RASIP1: variants seen among roughly 807,000 people sequenced by gnomAD.
The protein encoded by RASIP1 is ras-interacting protein 1.
A neutral mutation model predicts 85.3 loss-of-function variants in RASIP1; 20 were observed. The ratio of observed to expected loss-of-function variants is 0.23; its 90% CI spans 0.17 to 0.34. The LOEUF (loss-of-function observed/expected upper bound fraction) is 0.34. Ranked by LOEUF, RASIP1 falls within the 10% of genes least tolerant of loss-of-function variation. RASIP1 has a pLI of 1.00. For synonymous variants in RASIP1, 617 were observed against 647.1 expected (o/e 0.95, Z 0.71); for missense variants, 1,170 against 1,390.9 (o/e 0.84, Z 2.53).
intron 4 of RASIP1, among the ~76,000 whole-genome samples, chr19:48,730,362 C>T (rs2033433055): frequency 6.6e-6 from 1 of 151,948 alleles, no homozygotes; most frequent in African/African-American, 2.4e-5. Flanking sequence ...GACAGGGTCA[C>T]CATGTTGGCC....
chr19:48,734,538 A>G (rs1286231630), intron 4 of RASIP1, among the ~76,000 whole-genome samples: 1 of 135,758 alleles, frequency 7.4e-6, no homozygotes, highest in Non-Finnish European at 1.5e-5. Context: ...CCCTGGCTGG[A>G]GTGCAATGGA....
Position 48,737,804 on chromosome 19 carries a change from C to T in RASIP1, c.823+1156G>A, listed in dbSNP as rs915168350. ...CCAGACCACGCTTTTCCACAAGCCCCGCCCCACCACAGGCCCCGCCCCACA... is the reference window on the plus strand; with the variant it reads ...CCAGACCACGCTTTTCCACAAGCCCTGCCCCACCACAGGCCCCGCCCCACA... On this transcript the variant is annotated intron_variant, in intron 3 of 11. Transcript: ENST00000222145. 16 of 984,080 alleles carry T rather than the reference C, an allele frequency of 1.6e-5. No homozygotes were observed. The Admixed American group carries it at 8.6e-4, about 53-fold the overall frequency. The allele number at this position is 984,080 out of a possible 1,614,324, so 61.0% of individuals were successfully genotyped here.
chr19:48,739,777 G>C lies in RASIP1; in HGVS notation c.138-132C>G. Reference sequence around the variant, plus strand: ...GGACAGGGACCCAGGGTGGATGGACGGGGCGGGGGTGAGGGTGGGGACAGA... The same window carrying C: ...GGACAGGGACCCAGGGTGGATGGACCGGGCGGGGGTGAGGGTGGGGACAGA... On this transcript the variant is annotated intron_variant, in intron 2 of 11. Transcript: ENST00000222145. This position sits in a 1 kb window ranked among gnomAD's most constrained non-coding sequence, Gnocchi z 9.2. 1.1e-6 allele frequency: 1 copy of C among 892,352 alleles called. No homozygotes were observed. The highest frequency in any genetic ancestry group is 1.5e-6 in the Non-Finnish European group (1 of 647,692). 55.3% of individuals were successfully genotyped at this position (892,352 alleles called of 1,614,324 possible). A position where few individuals can be genotyped will look rare whatever the true frequency, so the allele number is the denominator to read the frequency against.
At chr19:48,735,829 T>C (rs1311236595) in intron 3 of RASIP1, among the ~76,000 whole-genome samples, 2 of 151,764 alleles carry the variant, frequency 1.3e-5, no homozygotes, top group African/African-American at 4.8e-5. Context: ...GTAGTCTCGC[T>C]CTGTCGCCCA....
chr19:48,729,240 C>T lies in RASIP1; in HGVS notation c.1530G>A (p.Thr510=), dbSNP rs1024947050. 9.9e-6 allele frequency: 14 copies of T among 1,409,318 alleles called. No homozygotes were observed. In the Middle Eastern group the frequency reaches 6.3e-4, roughly 64 times the overall value. 87.3% of individuals were successfully genotyped at this position (1,409,318 alleles called of 1,614,324 possible). ...AGAAGGCCCAGCCAGGGCCTGGCGG[C>T]GTGGCCCCGGGGCGCGCGGGCAGCC... ...PPWLPARPGA[T]PPGPGWAFSC... Residue 510 remains threonine (T), a synonymous_variant, in exon 5 of 12, where the codon ACG becomes ACA. Coordinates refer to ENST00000222145, the MANE Select transcript of RASIP1 (RefSeq NM_017805.3).
rs759382771 is a variant in RASIP1, at chr19:48,735,359, T to TGCC, written c.1013_1015dup (p.Arg338dup). The TGCC allele has an allele frequency of 7.4e-6, 12 of 1,612,546 alleles. No homozygotes were observed. The highest frequency in any genetic ancestry group is 2.7e-5 in the African/African-American group (2 of 74,906). On this transcript the variant is annotated inframe_insertion, in exon 4 of 12. Coordinates refer to ENST00000222145, the MANE Select transcript of RASIP1 (RefSeq NM_017805.3). ...AAGTGCCTGCTGTCTCCGCTCCTGC[T>TGCC]GCCGCCGCCGCCGCCCCTGAAGGCT...
Position 48,729,134 on chromosome 19 carries a change from G to A in RASIP1, c.1636C>T (p.Arg546Cys), listed in dbSNP as rs758838913. 18 of 1,358,590 alleles carry A rather than the reference G, an allele frequency of 1.3e-5. No homozygotes were observed. The East Asian group carries it at 4.9e-4, about 37-fold the overall frequency. The allele number at this position is 1,358,590 out of a possible 1,614,324, so 84.2% of individuals were successfully genotyped here. Residue 546 changes from arginine to cysteine, a missense_variant, in exon 5 of 12, where the codon CGC (arginine) becomes TGC (cysteine). This residue lies in a region of RASIP1 where 426 missense variants were observed against 576.2 expected (regional missense o/e 0.74). Coordinates refer to ENST00000222145, the MANE Select transcript of RASIP1 (RefSeq NM_017805.3). The part of the protein sequence containing the change: ...AYLDGREPVL[R>C]FRPREEEALL... The stretch of plus-strand genomic sequence containing the variant: ...GCCTCCTCCTCGCGCGGCCGGAAGC[G>A]CAGGACTGGCTCACGGCCGTCCAGG...
chr19:48,722,893 C>G (rs1050938485), intron 10 of RASIP1, among the ~76,000 whole-genome samples: 1 of 151,978 alleles, frequency 6.6e-6, no homozygotes, highest in African/African-American at 2.4e-5. Flanking sequence ...AACTTTCTTT[C>G]TTATTGTTTT....
Position 48,724,349 on chromosome 19 carries a change from A to G in RASIP1, c.2532T>C (p.Thr844=), listed in dbSNP as rs2033305076. The change falls in exon 10 of 12, where the codon ACT becomes ACC. Residue 844 remains threonine (T), a synonymous_variant. Coordinates refer to ENST00000222145, the MANE Select transcript of RASIP1 (RefSeq NM_017805.3). This position sits in a 1 kb window ranked among gnomAD's most constrained non-coding sequence, Gnocchi z 4.6. ...GACCAGGAGTCACCTTGAGCAGGGAAGTGCGGGGCACACAGAGCAGGTTCA... is the reference window on the plus strand; with the variant it reads ...GACCAGGAGTCACCTTGAGCAGGGAGGTGCGGGGCACACAGAGCAGGTTCA... ...MAVNLLCVPR[T]SLLKASWSSL... The G allele has an allele frequency of 1.9e-6, 3 of 1,613,848 alleles. No homozygotes were observed. The highest frequency in any genetic ancestry group is 1.7e-5 in the Admixed American group (1 of 59,974).
intron 4 of RASIP1, among the ~76,000 whole-genome samples, chr19:48,734,564 C>T (rs1324584411): frequency 6.6e-6 from 1 of 151,306 alleles, no homozygotes; most frequent in Non-Finnish European, 1.5e-5. Context: ...CTTGGCTCAC[C>T]GCAACCTCTG....
In RASIP1 at chr19:48,739,642, A is replaced by C. The variant is rs1263190706; in HGVS notation, c.141T>G (p.Ser47=). The C allele has an allele frequency of 1.6e-5, 22 of 1,415,150 alleles. No individual in the cohort carries two copies. The highest frequency in any genetic ancestry group is 8.7e-5 in the East Asian group (3 of 34,514). 87.7% of individuals were successfully genotyped at this position (1,415,150 alleles called of 1,614,324 possible). Residue 47 remains serine, a synonymous_variant, in exon 3 of 12, where the codon TCT becomes TCG. Coordinates refer to ENST00000222145, the MANE Select transcript of RASIP1 (RefSeq NM_017805.3). This position sits in a 1 kb window ranked among gnomAD's most constrained non-coding sequence, Gnocchi z 9.2. ...TGCGGCTCCCCGTGTCCGACGAAGA[A>C]GACCTGGGAGTCCGCCGGGGAACAG... is the stretch of plus-strand genomic sequence containing the variant. ...RRWPSAASVK[S]SSSDTGSRSS...
Position 48,740,332 on chromosome 19 carries a change from G to C in RASIP1, c.-4-46C>G. The C allele has an allele frequency of 6.5e-7, 1 of 1,536,936 alleles. No individual in the cohort carries two copies. The highest frequency in any genetic ancestry group is 1.4e-5 in the African/African-American group (1 of 70,198). On this transcript the variant is annotated intron_variant, in intron 1 of 11. Transcript: ENST00000222145. The surrounding 1 kb of genome is among the most constrained non-coding windows in gnomAD (Gnocchi z 5.5). ...CCCCAACTCCTAAGGCATTCTTGTGGGGATGGGGTGGAGGGAACCTGGACT... is the reference window on the plus strand; with the variant it reads ...CCCCAACTCCTAAGGCATTCTTGTGCGGATGGGGTGGAGGGAACCTGGACT...
intron 4 of RASIP1, 95 bp from the exon 5 acceptor site, chr19:48,729,685 C>A (rs1215365273): frequency 7.7e-7 from 1 of 1,302,728 alleles, no homozygotes; most frequent in East Asian, 2.5e-5. Flanking sequence ...TCTATTCCCA[C>A]CAACTTTTTT....
At chr19:48,728,910 G>A in intron 5 of RASIP1, 27 bp downstream of exon 5, 1 of 1,427,334 alleles carries the variant, frequency 7.0e-7, no homozygotes, top group Non-Finnish European at 9.1e-7. Context: ...CGCTGGTGGG[G>A]CTGGACGGCG....
At chr19:48,721,233 A>G (rs1419708799) in intron 11 of RASIP1, among the ~76,000 whole-genome samples, 1 of 151,972 alleles carries the variant, frequency 6.6e-6, no homozygotes, top group African/African-American at 2.4e-5. Context: ...TCCCCGAGAA[A>G]GGGCTGGGAA....
chr19:48,739,553 G>T lies in RASIP1; in HGVS notation c.230C>A (p.Ala77Glu), dbSNP rs1443663053. The T allele has an allele frequency of 4.0e-6, 6 of 1,513,284 alleles. No individual in the cohort carries two copies. The Admixed American group carries it at 1.0e-4, about 25-fold the overall frequency. The allele number at this position is 1,513,284 out of a possible 1,614,324, so 93.7% of individuals were successfully genotyped here. A position where few individuals can be genotyped will look rare whatever the true frequency, so the allele number is the denominator to read the frequency against. The change falls in exon 3 of 12, where the codon GCG (alanine) becomes GAG (glutamate). Residue 77 changes from alanine to glutamate, a missense_variant. Ala to Glu is a moderately radical substitution (Grantham distance 107). Coordinates refer to ENST00000222145, the MANE Select transcript of RASIP1 (RefSeq NM_017805.3). The surrounding 1 kb of genome is among the most constrained non-coding windows in gnomAD (Gnocchi z 9.2). ...GCGGCTACCGGAGGCTCCCCCGGCC[G>T]CCTTGACAGCGCCCACTCGCCGCAG... ...VELRRVGAVKAAGGASGSRAK... is the reference protein window; with the variant it reads ...VELRRVGAVKEAGGASGSRAK...
In RASIP1 at chr19:48,735,391, C is replaced by T. The variant is rs748472825; in HGVS notation, c.984G>A (p.Ser328=). 1.8e-5 allele frequency: 29 copies of T among 1,612,926 alleles called. No individual in the cohort carries two copies. The East Asian group carries it at 6.5e-4, about 36-fold the overall frequency. The change falls in exon 4 of 12, where the codon TCG becomes TCA. Residue 328 remains serine, a synonymous_variant. Coordinates refer to ENST00000222145, the MANE Select transcript of RASIP1 (RefSeq NM_017805.3). ...GCCGCCGCCCCTGAAGGCTAAGCTC[C>T]GACACGCTGCGCCGCAAAGACAAGT... is the stretch of plus-strand genomic sequence containing the variant. The part of the protein sequence containing the change: ...SENLSLRRSV[S]ELSLQGRRRR...
At chr19:48,723,786 G>A (rs11666792) in intron 10 of RASIP1, among the ~76,000 whole-genome samples, 54,958 of 148,904 alleles carry the variant, frequency 0.37, 12,241 homozygotes, top group Middle Eastern at 0.58. Flanking sequence ...GCATGTCTGA[G>A]TGAGGGACCC....
intron 3 of RASIP1, among the ~76,000 whole-genome samples, chr19:48,737,078 G>T (rs2033587260): frequency 6.6e-6 from 1 of 152,090 alleles, no homozygotes; most frequent in African/African-American, 2.4e-5. Context: ...AAAGGAAAAT[G>T]TGTGGCCTAC....
Sources: allele counts gnomAD v4.1 joint callset (sites outside exome capture counted in the v4.1 genomes callset), GRCh38; gene constraint gnomAD v4.1.1; regional missense constraint gnomAD v4.1.1; non-coding constraint Gnocchi (gnomAD v3.1); transcripts MANE v1.5; gene names NCBI Gene and HGNC (gene_info 2026-07-23, HGNC 2026-07-21).